Variants in WWOX observed in about 807,000 individuals in gnomAD.
WWOX encodes the protein WW domain containing oxidoreductase.
In WWOX, 69 loss-of-function variants were observed where a neutral mutation model predicts 46.2. The observed-to-expected ratio is 1.49, with a 90% CI of 1.23 to 1.82. The LOEUF is 1.82. WWOX is among the 40% of genes most tolerant of loss of function. The pLI is 0.00. For synonymous variants in WWOX, 359 were observed against 202.6 expected, an observed-to-expected ratio of 1.77 and a Z score of -6.56; for missense variants, 919 against 542.6, an observed-to-expected ratio of 1.69 and a Z score of -6.89.
At chr16:78,716,709 G>C (rs756924615) in intron 8 of WWOX, among the ~76,000 whole-genome samples, 2 of 150,632 alleles carry the variant, frequency 1.3e-5, no homozygotes, top group African/African-American at 4.9e-5. Context: ...CCTCCAGAGA[G>C]ATTTTCTTAG....
intron 8 of WWOX, among the ~76,000 whole-genome samples, chr16:78,696,440 C>T (rs1206856694): frequency 6.6e-6 from 1 of 152,066 alleles, no homozygotes; most frequent in Non-Finnish European, 1.5e-5. Flanking sequence ...CATACACATC[C>T]AGTAGAAACC....
At chr16:78,546,359 C>T (rs926948317) in intron 8 of WWOX, among the ~76,000 whole-genome samples, 2 of 151,966 alleles carry the variant, frequency 1.3e-5, no homozygotes, top group Admixed American at 6.6e-5. Context: ...CTTTAAGGCC[C>T]GGTTCTGTAT....
At position 79,124,854 on chromosome 16, in the gene WWOX, T is replaced by C. The variant is rs146576261; in HGVS notation, c.1057-86754T>C. 2.8e-3 allele frequency among the ~76,000 whole-genome samples: 431 copies of C among 152,288 alleles called. 3 individuals carry two copies. The highest frequency in any genetic ancestry group is 0.01 in the African/African-American group (421 of 41,564). ...CCCTAAAGGGGATGAGGAATGAAAA[T>C]GAAGGTTTGCAAAGACATCTTGCCA... On this transcript the variant is annotated intron_variant, in intron 8 of 8. Transcript: ENST00000566780.
chr16:78,870,070 A>C (rs577824490), intron 8 of WWOX, among the ~76,000 whole-genome samples: 10 of 152,174 alleles, frequency 6.6e-5, no homozygotes, highest in Non-Finnish European at 1.5e-4. Context: ...TGATCAAAGT[A>C]TTGGTCTGTC....
chr16:78,570,516 G>A (rs938800045), intron 8 of WWOX, among the ~76,000 whole-genome samples: 2 of 151,950 alleles, frequency 1.3e-5, no homozygotes, highest in South Asian at 2.1e-4. Flanking sequence ...AGTATCGCTT[G>A]TTGCTCAGGC....
At chr16:78,460,235 C>G (rs907564402) in intron 8 of WWOX, among the ~76,000 whole-genome samples, 10 of 151,676 alleles carry the variant, frequency 6.6e-5, no homozygotes, top group African/African-American at 2.4e-4. Flanking sequence ...TCAAGAGATT[C>G]TTGTGCCTCA....
intron 5 of WWOX, among the ~76,000 whole-genome samples, chr16:78,240,333 A>G (rs1238127919): frequency 6.6e-6 from 1 of 152,028 alleles, no homozygotes; most frequent in African/African-American, 2.4e-5. Context: ...AATAACACCA[A>G]AAGACAAAAC....
At chr16:78,764,071 A>G (rs1465507098) in intron 8 of WWOX, among the ~76,000 whole-genome samples, 1 of 152,210 alleles carries the variant, frequency 6.6e-6, no homozygotes, top group Admixed American at 6.5e-5. Flanking sequence ...AGAGAGATCC[A>G]GAAGGGTTGA....
chr16:78,957,930 A>C (rs533536239), intron 8 of WWOX, among the ~76,000 whole-genome samples: 3 of 152,270 alleles, frequency 2.0e-5, no homozygotes, highest in Admixed American at 6.5e-5. Flanking sequence ...AACTCAATTC[A>C]CTGTCACCAC....
chr16:78,381,156 A>G (rs1342573148), intron 5 of WWOX, among the ~76,000 whole-genome samples: 1 of 152,144 alleles, frequency 6.6e-6, no homozygotes, highest in East Asian at 1.9e-4. Context: ...CTGTTTAAAT[A>G]CCACACACTC....
chr16:78,398,139 G>A (rs2082330538), intron 6 of WWOX, among the ~76,000 whole-genome samples: 2 of 152,086 alleles, frequency 1.3e-5, no homozygotes, highest in South Asian at 2.1e-4. Flanking sequence ...CCTCCAAATT[G>A]ATGGCGTGAT....
chr16:78,691,158 T>G, intron 8 of WWOX: 1 of 686,854 alleles, frequency 1.5e-6, no homozygotes, highest in South Asian at 1.6e-5. Context: ...GCACAGTATT[T>G]CCCCCAGTGT....
chr16:78,530,691 C>A (rs991783959), intron 8 of WWOX, among the ~76,000 whole-genome samples: 1 of 152,160 alleles, frequency 6.6e-6, no homozygotes, highest in African/African-American at 2.4e-5. Flanking sequence ...AGGATGGGGC[C>A]CTCACCACGG....
intron 4 of WWOX, among the ~76,000 whole-genome samples, chr16:78,126,443 C>G (rs2033365226): frequency 6.6e-6 from 1 of 152,174 alleles, no homozygotes; most frequent in Non-Finnish European, 1.5e-5. Context: ...TGATGATTAG[C>G]AAGATTGATA....
At chr16:78,473,374 C>A (rs976058795) in intron 8 of WWOX, among the ~76,000 whole-genome samples, 2 of 152,144 alleles carry the variant, frequency 1.3e-5, no homozygotes, top group African/African-American at 4.8e-5. Context: ...AACTGATAGA[C>A]CCACCTCAGC....
intron 5 of WWOX, among the ~76,000 whole-genome samples, chr16:78,271,096 G>A (rs1162050860): frequency 6.6e-6 from 1 of 152,174 alleles, no homozygotes; most frequent in Non-Finnish European, 1.5e-5. Flanking sequence ...TCAACATTAA[G>A]CTAATTACTT....
chr16:79,157,146 C>T (rs145882033), intron 8 of WWOX, among the ~76,000 whole-genome samples: 1 of 152,126 alleles, frequency 6.6e-6, no homozygotes, highest in African/African-American at 2.4e-5. Context: ...CTAGGCAAAG[C>T]AGGGAGAAGA....
At position 78,347,842 on chromosome 16, in the gene WWOX, T is replaced by C. The variant is rs549505858; in HGVS notation, c.517-39018T>C. ...TACTTAAAGCTTTTCTGGAAGGAAT[T>C]CATTTTCCACTTTCCTTAATGTTCC... On this transcript the variant is annotated intron_variant, in intron 5 of 8. Transcript: ENST00000566780. Among the ~76,000 whole-genome samples, 10 of 121,926 alleles carry C rather than the reference T, an allele frequency of 8.2e-5. 3 individuals are homozygous for C. Among genetic ancestry groups the C allele is most frequent in the African/African-American group, 2.8e-4 (10 of 36,076 alleles). 80.0% of individuals were successfully genotyped at this position (121,926 alleles called of 152,430 possible).
intron 5 of WWOX, among the ~76,000 whole-genome samples, chr16:78,335,521 C>T (rs1015880125): frequency 6.6e-6 from 1 of 152,128 alleles, no homozygotes; most frequent in African/African-American, 2.4e-5. Context: ...TTCATCCTAT[C>T]ATTTATGAGC....
Sources: allele counts gnomAD v4.1 joint callset (sites outside exome capture counted in the v4.1 genomes callset), GRCh38; gene constraint gnomAD v4.1.1; transcripts MANE v1.5; gene names NCBI Gene and HGNC (gene_info 2026-07-23, HGNC 2026-07-21).